PTPN13: variants seen among roughly 807,000 people sequenced by gnomAD.
PTPN13 encodes protein tyrosine phosphatase non-receptor type 13, also known as tyrosine-protein phosphatase non-receptor type 13.
PTPN13 carries 191 observed loss-of-function variants against 284.0 expected under a neutral mutation model. That is an observed-to-expected ratio of 0.67 (90% CI 0.60 to 0.76). The LOEUF is 0.76. PTPN13 is among the 30% of genes least tolerant of loss of function. PTPN13 has a pLI of 0.00. For synonymous variants in PTPN13, 986 were observed against 1,022.3 expected (o/e 0.96, Z 0.68); for missense variants, 2,797 against 2,939.9 (o/e 0.95, Z 1.12).
At position 86,680,931 on chromosome 4, in the gene PTPN13, CTATAAA is replaced by C. The variant is rs545913670; in HGVS notation, c.295-5778_295-5773del. Among the ~76,000 whole-genome samples the C allele has an allele frequency of 3.4e-3, 512 of 152,228 alleles. 1 individual carries two copies. Among genetic ancestry groups the C allele is most frequent in the African/African-American group, 0.012 (495 of 41,520 alleles). On this transcript the variant is annotated intron_variant, in intron 3 of 47. Coordinates refer to ENST00000411767, the MANE Select transcript of PTPN13 (RefSeq NM_080683.3). ...CTGAGGACTTATAATATGTCCAACACTATAAAAGGTCAAGGAGATACAAAGATGAAT... is the reference window on the plus strand; with the variant it reads ...CTGAGGACTTATAATATGTCCAACACAGGTCAAGGAGATACAAAGATGAAT...
intron 3 of PTPN13, among the ~76,000 whole-genome samples, chr4:86,680,351 A>G (rs201873006): frequency 4.9e-4 from 23 of 47,316 alleles, no homozygotes; most frequent in African/African-American, 1.7e-3. Flanking sequence ...ATCTATCTCT[A>G]TCTATCTATC....
intron 9 of PTPN13, among the ~76,000 whole-genome samples, chr4:86,721,048 T>G (rs1258840007): frequency 6.6e-6 from 1 of 152,044 alleles, no homozygotes; most frequent in Non-Finnish European, 1.5e-5. Context: ...AGGTAACCTT[T>G]GTTTCTGACT....
intron 15 of PTPN13, among the ~76,000 whole-genome samples, chr4:86,737,256 T>TAAAATATAAA (rs1735626592): frequency 6.6e-6 from 1 of 150,820 alleles, no homozygotes; most frequent in South Asian, 2.1e-4. Flanking sequence ...TAAAATAAAA[T>TAAAATATAAA]ATAAAATAAA....
intron 3 of PTPN13, among the ~76,000 whole-genome samples, chr4:86,677,381 C>G (rs551900955): frequency 1.6e-3 from 232 of 148,484 alleles, no homozygotes; most frequent in African/African-American, 5.5e-3. Context: ...GTGGCACGAT[C>G]TCAGCTCACT....
In PTPN13 at chr4:86,735,582, T is replaced by C. The variant is rs1248783161; in HGVS notation, c.2152-12T>C. ...GGCAAACAATTGCTTATGAAAACAT[T>C]CTTTTATCTAGGTTCATGGTGTGTC... On this transcript the variant is annotated splice_polypyrimidine_tract_variant and intron_variant, in intron 14 of 47. Transcript: ENST00000411767. 6.2e-7 allele frequency: 1 copy of C among 1,601,446 alleles called. No homozygotes were observed. The highest frequency in any genetic ancestry group is 1.8e-5 in the Admixed American group (1 of 55,802).
At chr4:86,726,999 T>C (rs1211817327) in intron 10 of PTPN13, among the ~76,000 whole-genome samples, 1 of 149,570 alleles carries the variant, frequency 6.7e-6, no homozygotes, top group East Asian at 1.9e-4. Flanking sequence ...CAATACCTAG[T>C]TTATTGAGAG....
In PTPN13 at chr4:86,807,428, C is replaced by A. The variant is rs552441064; in HGVS notation, c.6746-132C>A. 9 of 663,166 alleles carry A rather than the reference C, an allele frequency of 1.4e-5. No homozygotes were observed. In the African/African-American group the frequency reaches 1.4e-4, roughly 11 times the overall value. The allele number at this position is 663,166 out of a possible 1,614,324, so 41.1% of individuals were successfully genotyped here. ...TGTGCTACAATTTGAAAATATACTTCTATTAAAATACGTTGGTGATTTCAT... is the reference window on the plus strand; with the variant it reads ...TGTGCTACAATTTGAAAATATACTTATATTAAAATACGTTGGTGATTTCAT... On this transcript the variant is annotated intron_variant, in intron 44 of 47. Coordinates refer to ENST00000411767, the MANE Select transcript of PTPN13 (RefSeq NM_080683.3).
At chr4:86,642,762 C>T (rs112154763) in intron 2 of PTPN13, among the ~76,000 whole-genome samples, 11 of 152,108 alleles carry the variant, frequency 7.2e-5, no homozygotes, top group African/African-American at 2.4e-4. Context: ...GCCCACTTCA[C>T]CTTTTTAACT....
At position 86,688,859 on chromosome 4, in the gene PTPN13, G is replaced by A. The variant is rs572359822; in HGVS notation, c.361-146G>A. On this transcript the variant is annotated intron_variant, in intron 4 of 47. Transcript: ENST00000411767. ...TAAAAAAGGTAAAACACAGTAAAAT[G>A]CTTATGCTGATAAAAAGGAATTTAT... 9.0e-6 allele frequency: 5 copies of A among 554,696 alleles called. No homozygotes were observed. In the East Asian group the frequency reaches 1.2e-4, roughly 13 times the overall value. The allele number at this position is 554,696 out of a possible 1,614,324, so 34.4% of individuals were successfully genotyped here.
At chr4:86,606,039 C>A (rs1241481134) in intron 1 of PTPN13, among the ~76,000 whole-genome samples, 1 of 151,810 alleles carries the variant, frequency 6.6e-6, no homozygotes, top group Non-Finnish European at 1.5e-5. Flanking sequence ...ATGAGGAAAT[C>A]CCACTGAGGC....
At chr4:86,694,319 G>A (rs1440754059) in intron 6 of PTPN13, among the ~76,000 whole-genome samples, 1 of 151,436 alleles carries the variant, frequency 6.6e-6, no homozygotes, top group Non-Finnish European at 1.5e-5. Context: ...GGTGGCTCAC[G>A]CCTGTAATCC....
At position 86,787,052 on chromosome 4, in the gene PTPN13, G is replaced by A. The variant is rs117342616; in HGVS notation, c.6345+1116G>A. On this transcript the variant is annotated intron_variant, in intron 40 of 47. Transcript: ENST00000411767. ...CCAGGAGACAGAGGTTGCATTGAGCGGAGATCATGCCGTTGCACTCCAGCC... is the reference window on the plus strand; with the variant it reads ...CCAGGAGACAGAGGTTGCATTGAGCAGAGATCATGCCGTTGCACTCCAGCC... Among the ~76,000 whole-genome samples the A allele has an allele frequency of 2.9e-3, 439 of 151,584 alleles. 7 individuals are homozygous for A. The East Asian group carries it at 0.053, about 18-fold the overall frequency.
chr4:86,657,829 A>G (rs1461000729), intron 2 of PTPN13, among the ~76,000 whole-genome samples: 1 of 152,174 alleles, frequency 6.6e-6, no homozygotes, highest in Non-Finnish European at 1.5e-5. Flanking sequence ...CTGGTGCCCA[A>G]GTTGCAAGAC....
At chr4:86,786,044 A>T in intron 40 of PTPN13, 108 bp downstream of exon 40, 1 of 538,218 alleles carries the variant, frequency 1.9e-6, no homozygotes, top group Non-Finnish European at 3.0e-6. Context: ...CTCAAAAATT[A>T]AATTTAGGAG....
intron 1 of PTPN13, among the ~76,000 whole-genome samples, chr4:86,624,946 A>G (rs568864624): frequency 3.9e-5 from 6 of 152,270 alleles, no homozygotes; most frequent in African/African-American, 1.4e-4. Flanking sequence ...TTGAGGGTAT[A>G]TATAAGCACA....
intron 3 of PTPN13, among the ~76,000 whole-genome samples, chr4:86,681,975 A>G (rs191012038): frequency 1.2e-3 from 176 of 152,326 alleles, no homozygotes; most frequent in Non-Finnish European, 1.4e-3. Context: ...TTGTTCTACA[A>G]TGTATATAAT....
intron 35 of PTPN13, among the ~76,000 whole-genome samples, chr4:86,779,917 T>G (rs559488151): frequency 2.6e-5 from 4 of 152,332 alleles, no homozygotes; most frequent in African/African-American, 9.6e-5. Flanking sequence ...GGGCTTTAGA[T>G]ATATAAAACT....
At chr4:86,685,959 C>G (rs989077440) in intron 3 of PTPN13, among the ~76,000 whole-genome samples, 1 of 152,168 alleles carries the variant, frequency 6.6e-6, no homozygotes, top group African/African-American at 2.4e-5. Context: ...CTATTAATAA[C>G]AGATTGGTTA....
chr4:86,798,365 C>T (rs1050823559), intron 41 of PTPN13, among the ~76,000 whole-genome samples: 5 of 152,164 alleles, frequency 3.3e-5, no homozygotes, highest in African/African-American at 1.2e-4. Flanking sequence ...ATAAAAGCAG[C>T]GTAATTGCTG....
Sources: allele counts gnomAD v4.1 joint callset (sites outside exome capture counted in the v4.1 genomes callset), GRCh38; gene constraint gnomAD v4.1.1; transcripts MANE v1.5; gene names NCBI Gene and HGNC (gene_info 2026-07-23, HGNC 2026-07-21).